Variants in UBR2 observed in about 807,000 individuals in gnomAD.
UBR2 encodes the protein E3 ubiquitin-protein ligase UBR2.
UBR2 carries 92 observed loss-of-function variants against 247.9 expected under a neutral mutation model. The ratio of observed to expected loss-of-function variants is 0.37; its 90% confidence interval spans 0.31 to 0.44. The LOEUF (loss-of-function observed/expected upper bound fraction) is 0.44. Ranked by LOEUF, UBR2 falls within the 20% of genes least tolerant of loss-of-function variation. UBR2 has a pLI of 1.00. For synonymous variants in UBR2, 672 were observed against 693.5 expected (o/e 0.97, Z 0.49); for missense variants, 1,613 against 2,112.6 (o/e 0.76, Z 4.64).
At chr6:42,652,331 C>T (rs955645193) in intron 24 of UBR2, among the ~76,000 whole-genome samples, 160 bp from the exon 25 acceptor site, 8 of 152,144 alleles carry the variant, frequency 5.3e-5, no homozygotes, top group East Asian at 1.9e-4. Flanking sequence ...CTGCTACTTT[C>T]GTGGCTCTTT....
chr6:42,596,350 G>GT (rs1219995809), intron 4 of UBR2, among the ~76,000 whole-genome samples: 1 of 151,628 alleles, frequency 6.6e-6, no homozygotes, highest in Non-Finnish European at 1.5e-5. Context: ...GTAATAACAA[G>GT]TATTGACAAG....
At chr6:42,606,698 A>G (rs776206409) in intron 7 of UBR2, 47 bp downstream of exon 7, 1 of 1,472,162 alleles carries the variant, frequency 6.8e-7, no homozygotes, top group Non-Finnish European at 9.3e-7. Context: ...TTAGTTTAAA[A>G]CTAGCTTCAT....
intron 11 of UBR2, 123 bp from the exon 12 acceptor site, chr6:42,632,429 G>A: frequency 1.3e-6 from 1 of 788,746 alleles, no homozygotes; most frequent in Non-Finnish European, 1.9e-6. Context: ...ATGCATTTAT[G>A]ATATATAGTT....
At chr6:42,622,288 G>A (rs1473569902) in intron 11 of UBR2, among the ~76,000 whole-genome samples, 4 of 151,888 alleles carry the variant, frequency 2.6e-5, no homozygotes, top group Non-Finnish European at 5.9e-5. Flanking sequence ...CAAAGTGCTG[G>A]GATTACAGGC....
chr6:42,682,713 C>CA (rs1335748055), intron 42 of UBR2, among the ~76,000 whole-genome samples: 1 of 151,894 alleles, frequency 6.6e-6, no homozygotes, highest in East Asian at 1.9e-4. Flanking sequence ...AGCACCTGGC[C>CA]AAAAAAGTTT....
In UBR2 at chr6:42,689,808, C is replaced by G. The variant is rs879530855; in HGVS notation, c.5126+138C>G. Reference sequence around the variant, plus strand: ...TGTGGAGTCTTCCAAGGAGGGTGCCCTGTCAGCCTGGTTTGGTGTTCTTTT... The same window carrying G: ...TGTGGAGTCTTCCAAGGAGGGTGCCGTGTCAGCCTGGTTTGGTGTTCTTTT... On this transcript the variant is annotated intron_variant, in intron 46 of 46. Coordinates refer to ENST00000372901, the MANE Select transcript of UBR2 (RefSeq NM_001363705.2). This position sits in a 1 kb window ranked among gnomAD's most constrained non-coding sequence, Gnocchi z 4.0. The G allele has an allele frequency of 1.2e-5, 9 of 746,758 alleles. No individual in the cohort carries two copies. Among genetic ancestry groups the G allele is most frequent in the Non-Finnish European group, 2.1e-5 (9 of 435,846 alleles). The allele number at this position is 746,758 out of a possible 1,614,324, so 46.3% of individuals were successfully genotyped here. A position where few individuals can be genotyped will look rare whatever the true frequency, so the allele number is the denominator to read the frequency against.
intron 11 of UBR2, among the ~76,000 whole-genome samples, chr6:42,632,069 A>AAAAAAAAAAAATATAT (rs56721828): frequency 2.6e-5 from 3 of 114,088 alleles, no homozygotes; most frequent in African/African-American, 1.0e-4. Flanking sequence ...AAAAAAAAAA[A>AAAAAAAAAAAATATAT]ATATATATAT....
Position 42,647,658 on chromosome 6 carries a change from T to A in UBR2, c.2410-460T>A, listed in dbSNP as rs144602870. ...CCAAACATTTTAAAGAATTATTTAT[T>A]CACAGAATTCCTATTAATATCTTAT... On this transcript the variant is annotated intron_variant, in intron 21 of 46. Transcript: ENST00000372901. Among the ~76,000 whole-genome samples the A allele has an allele frequency of 8.1e-3, 1,236 of 152,276 alleles. 13 individuals are homozygous for A. Among genetic ancestry groups the A allele is most frequent in the African/African-American group, 0.029 (1,200 of 41,564 alleles).
chr6:42,586,634 A>AT (rs1312026307), intron 2 of UBR2, among the ~76,000 whole-genome samples: 1 of 100,680 alleles, frequency 9.9e-6, no homozygotes, highest in Non-Finnish European at 2.0e-5. Context: ...CGTTTTGATT[A>AT]TTTTTTTGGC....
intron 30 of UBR2, among the ~76,000 whole-genome samples, chr6:42,661,298 GAT>G (rs1797791134): frequency 6.6e-6 from 1 of 151,418 alleles, no homozygotes; most frequent in African/African-American, 2.4e-5. Context: ...AAAAAAAAAA[GAT>G]ATTTAAACTA....
chr6:42,571,086 A>G (rs1791100249), intron 1 of UBR2, among the ~76,000 whole-genome samples: 1 of 151,676 alleles, frequency 6.6e-6, no homozygotes, highest in Non-Finnish European at 1.5e-5. Flanking sequence ...ACTAGACTGC[A>G]TAATTTTTTT....
chr6:42,649,567 A>G (rs574872814), intron 22 of UBR2, among the ~76,000 whole-genome samples: 1 of 152,216 alleles, frequency 6.6e-6, no homozygotes, highest in South Asian at 2.1e-4. Flanking sequence ...AAGTGTATAA[A>G]GAGTGCCCTG....
chr6:42,582,443 A>G (rs970771395), intron 2 of UBR2, among the ~76,000 whole-genome samples: 1 of 152,050 alleles, frequency 6.6e-6, no homozygotes, highest in African/African-American at 2.4e-5. Context: ...TTTTGTGGAC[A>G]TATGTTTTAA....
chr6:42,617,377 G>T (rs2151940590), intron 10 of UBR2, 32 bp from the exon 11 acceptor site: 1 of 1,613,600 alleles, frequency 6.2e-7, no homozygotes, highest in South Asian at 1.1e-5. Flanking sequence ...CTGATAGCTG[G>T]CACTCCTTGC....
At chr6:42,675,035 T>C (rs1176561860) in intron 38 of UBR2, among the ~76,000 whole-genome samples, 1 of 152,222 alleles carries the variant, frequency 6.6e-6, no homozygotes, top group Non-Finnish European at 1.5e-5. Context: ...CCCCGAGTGC[T>C]GTGCCTTTAT....
chr6:42,651,506 T>C (rs576842350), intron 23 of UBR2, among the ~76,000 whole-genome samples: 1 of 152,028 alleles, frequency 6.6e-6, no homozygotes, highest in Non-Finnish European at 1.5e-5. Flanking sequence ...TTTTATTTTT[T>C]ATTTTTTTTG....
intron 8 of UBR2, among the ~76,000 whole-genome samples, chr6:42,614,547 AAT>A (rs1794419166): frequency 1.3e-5 from 2 of 152,022 alleles, no homozygotes; most frequent in African/African-American, 4.8e-5. Flanking sequence ...AGGTTGTAGT[AAT>A]ATGTTTTCCA....
At chr6:42,646,898 T>G (rs888702883) in intron 21 of UBR2, among the ~76,000 whole-genome samples, 1 of 152,008 alleles carries the variant, frequency 6.6e-6, no homozygotes, top group African/African-American at 2.4e-5. Context: ...CTTGGCTTAC[T>G]ATAACCTCTG....
rs1025042709 is a variant in UBR2 at position 42,603,049 on chromosome 6, A to G, written c.532-539A>G. Reference sequence around the variant, plus strand: ...TTACGTCTAGTGTATGAAGTTCCCTATTAACATGCATGCACGTCTCACCCT... The same window carrying G: ...TTACGTCTAGTGTATGAAGTTCCCTGTTAACATGCATGCACGTCTCACCCT... On this transcript the variant is annotated intron_variant, in intron 4 of 46. Coordinates refer to ENST00000372901, the MANE Select transcript of UBR2 (RefSeq NM_001363705.2). 2.0e-5 allele frequency among the ~76,000 whole-genome samples: 3 copies of G among 152,294 alleles called. No individual in the cohort carries two copies. The Middle Eastern group carries it at 0.01, about 518-fold the overall frequency.
Sources: allele counts gnomAD v4.1 joint callset (sites outside exome capture counted in the v4.1 genomes callset), GRCh38; gene constraint gnomAD v4.1.1; non-coding constraint Gnocchi (gnomAD v3.1); transcripts MANE v1.5; gene names NCBI Gene and HGNC (gene_info 2026-07-23, HGNC 2026-07-21).